Variants in GPC6 observed in about 807,000 individuals in gnomAD.
GPC6 encodes glypican-6.
GPC6 carries 14 observed loss-of-function variants against 55.2 expected under a neutral mutation model. The observed-to-expected ratio is 0.25, with a 90% CI of 0.17 to 0.40. The LOEUF (loss-of-function observed/expected upper bound fraction) is 0.40. GPC6 is among the 10% of genes least tolerant of loss of function. GPC6 has a pLI of 1.00. For synonymous variants in GPC6, 278 were observed against 259.6 expected, an observed-to-expected ratio of 1.07 and a Z score of -0.68; for missense variants, 641 against 708.5, an observed-to-expected ratio of 0.90 and a Z score of 1.08.
chr13:93,372,927 G>A (rs189677782), intron 1 of GPC6, among the ~76,000 whole-genome samples: 30 of 152,290 alleles, frequency 2.0e-4, no homozygotes, highest in African/African-American at 7.0e-4. Flanking sequence ...TGACCAGACA[G>A]ATGGGTGACT....
intron 2 of GPC6, among the ~76,000 whole-genome samples, chr13:93,781,429 A>C (rs1214587337): frequency 2.0e-5 from 3 of 152,242 alleles, no homozygotes; most frequent in African/African-American, 7.2e-5. Context: ...GAAACAAGCA[A>C]GATGCCCAAG....
chr13:93,582,050 G>A (rs1876961958), intron 2 of GPC6, among the ~76,000 whole-genome samples: 1 of 152,130 alleles, frequency 6.6e-6, no homozygotes, highest in African/African-American at 2.4e-5. Context: ...GAAGCTTTTG[G>A]ATTATCTGGT....
rs575164975 is a variant in GPC6 at position 94,095,148 on chromosome 13, A to G, written c.877+67254A>G. On this transcript the variant is annotated intron_variant, in intron 4 of 8. Transcript: ENST00000377047. ...GTAATAATAATTCCCCAAGGTATATATAGGTAAAATCGAAGGACCCAAAGA... is the reference window on the plus strand; with the variant it reads ...GTAATAATAATTCCCCAAGGTATATGTAGGTAAAATCGAAGGACCCAAAGA... Among the ~76,000 whole-genome samples, 13 of 152,272 alleles carry G rather than the reference A, an allele frequency of 8.5e-5. No homozygotes were observed. In the South Asian group the frequency reaches 2.3e-3, roughly 27 times the overall value.
At chr13:93,256,145 G>A (rs1022469633) in intron 1 of GPC6, among the ~76,000 whole-genome samples, 3 of 148,588 alleles carry the variant, frequency 2.0e-5, no homozygotes, top group Non-Finnish European at 4.4e-5. Context: ...ACTCCAGCCT[G>A]GGCGACAGAG....
At chr13:93,953,568 CT>C (rs1879362522) in intron 3 of GPC6, among the ~76,000 whole-genome samples, 1 of 152,132 alleles carries the variant, frequency 6.6e-6, no homozygotes, top group South Asian at 2.1e-4. Context: ...TTTGACTTTT[CT>C]TCCAACATTT....
chr13:94,366,772 G>A (rs1327196603), intron 6 of GPC6, among the ~76,000 whole-genome samples: 1 of 152,216 alleles, frequency 6.6e-6, no homozygotes, highest in Non-Finnish European at 1.5e-5. Flanking sequence ...GAATAGAGCT[G>A]TTCTCCAAAG....
intron 2 of GPC6, among the ~76,000 whole-genome samples, chr13:93,592,834 A>G (rs895506805): frequency 7.2e-5 from 11 of 152,252 alleles, no homozygotes; most frequent in Admixed American, 5.9e-4. Flanking sequence ...GTTCCAGGAG[A>G]TGTGATAAAC....
At chr13:93,974,832 C>T (rs1014006204) in intron 3 of GPC6, among the ~76,000 whole-genome samples, 7 of 152,092 alleles carry the variant, frequency 4.6e-5, no homozygotes, top group Non-Finnish European at 7.4e-5. Flanking sequence ...AATTCACATG[C>T]ATTTTTCTCC....
At chr13:93,445,841 C>A (rs1325642806) in intron 1 of GPC6, among the ~76,000 whole-genome samples, 1 of 152,132 alleles carries the variant, frequency 6.6e-6, no homozygotes, top group African/African-American at 2.4e-5. Context: ...ATTTACTACA[C>A]TTTGATTTTA....
intron 4 of GPC6, among the ~76,000 whole-genome samples, chr13:94,197,595 C>T (rs1037499311): frequency 1.3e-5 from 2 of 152,124 alleles, no homozygotes; most frequent in African/African-American, 4.8e-5. Flanking sequence ...GAATTAGGAA[C>T]CCACCCTTAT....
chr13:94,343,771 C>T (rs1167223835), intron 6 of GPC6, among the ~76,000 whole-genome samples: 1 of 152,012 alleles, frequency 6.6e-6, no homozygotes, highest in Non-Finnish European at 1.5e-5. Context: ...GCTCTGTGGC[C>T]CAGCCTGGAG....
intron 2 of GPC6, among the ~76,000 whole-genome samples, chr13:93,573,261 A>G (rs958438652): frequency 1.6e-4 from 25 of 152,076 alleles, no homozygotes; most frequent in Non-Finnish European, 7.4e-5. Context: ...AGCATTATGG[A>G]ATAAATATTT....
chr13:94,289,780 C>G (rs1874857130), intron 5 of GPC6, among the ~76,000 whole-genome samples: 1 of 152,166 alleles, frequency 6.6e-6, no homozygotes, highest in African/African-American at 2.4e-5. Flanking sequence ...ATTTTAAGTT[C>G]TTAATATATA....
chr13:93,899,783 C>G (rs1594570955), intron 3 of GPC6, among the ~76,000 whole-genome samples: 1 of 151,994 alleles, frequency 6.6e-6, no homozygotes, highest in East Asian at 1.9e-4. Flanking sequence ...TTGTGTCTGT[C>G]AAGGCCTTTG....
chr13:93,642,350 T>G (rs1879987600), intron 2 of GPC6, among the ~76,000 whole-genome samples: 1 of 152,118 alleles, frequency 6.6e-6, no homozygotes, highest in Non-Finnish European at 1.5e-5. Flanking sequence ...CTGCATAGTA[T>G]TCCAGGTGTA....
rs141922800 is a variant in GPC6, at chr13:94,116,209, A to G, written c.877+88315A>G. Among the ~76,000 whole-genome samples, 113 of 152,196 alleles carry G rather than the reference A, an allele frequency of 7.4e-4. No homozygotes were observed. The Middle Eastern group carries it at 0.01, about 14-fold the overall frequency. ...TTCCTGGATGCTGGGAACTTCATGT[A>G]TCTTAACTCCTTTAATCTATACAGC... On this transcript the variant is annotated intron_variant, in intron 4 of 8. Coordinates refer to ENST00000377047, the MANE Select transcript of GPC6 (RefSeq NM_005708.5).
intron 1 of GPC6, among the ~76,000 whole-genome samples, chr13:93,272,701 G>A (rs577655813): frequency 2.8e-4 from 43 of 152,110 alleles, no homozygotes; most frequent in Middle Eastern, 3.4e-3. Flanking sequence ...GAGTGATTCC[G>A]TAAATGAGGT....
intron 2 of GPC6, among the ~76,000 whole-genome samples, chr13:93,789,501 CTCTCTCTCTATATA>C (rs1185418335): frequency 3.8e-5 from 3 of 78,978 alleles, no homozygotes; most frequent in African/African-American, 9.5e-5. Context: ...CTCTCTCTCT[CTCTCTCTCTATATA>C]TATATATATA....
chr13:93,221,766 C>A, the GPC6 span, among the ~76,000 whole-genome samples: 2 of 152,244 alleles, frequency 1.3e-5, no homozygotes, highest in African/African-American at 4.8e-5. Flanking sequence ...AAATTTCTGA[C>A]AGCTTTTTCA....
Sources: gnomAD v4.1 joint callset for allele counts (sites outside exome capture counted in the v4.1 genomes callset) on GRCh38, gnomAD v4.1.1 for gene constraint, MANE v1.5 for transcripts, NCBI Gene and HGNC (gene_info 2026-07-23, HGNC 2026-07-21) for gene names.